SMCHD1: variants seen among roughly 807,000 people sequenced by gnomAD.
SMCHD1 encodes structural maintenance of chromosomes flexible hinge domain containing 1.
A neutral mutation model predicts 254.7 loss-of-function variants in SMCHD1; 78 were observed. That is an observed-to-expected ratio of 0.31 (90% CI 0.26 to 0.37). The LOEUF (loss-of-function observed/expected upper bound fraction) is 0.37, where lower values mean the gene tolerates loss of function less well. Among genes scored for constraint, SMCHD1 ranks in the 10% least tolerant of loss-of-function variants. SMCHD1 has a pLI of 1.00. For synonymous variants in SMCHD1, 766 were observed against 794.9 expected, an observed-to-expected ratio of 0.96 and a Z score of 0.61; for missense variants, 1,840 against 2,408.1, an observed-to-expected ratio of 0.76 and a Z score of 4.94.
intron 12 of SMCHD1, among the ~76,000 whole-genome samples, chr18:2,703,173 A>C (rs2074441156): frequency 6.6e-6 from 1 of 152,212 alleles, no homozygotes; most frequent in African/African-American, 2.4e-5. Flanking sequence ...TATCACCCTC[A>C]TAAGGAGTCT....
intron 27 of SMCHD1, among the ~76,000 whole-genome samples, chr18:2,739,806 C>G (rs577755920): frequency 1.3e-5 from 2 of 152,184 alleles, no homozygotes; most frequent in East Asian, 3.9e-4. Context: ...ATAAAGTAAG[C>G]TTGGCATGGT....
chr18:2,725,565 T>C (rs550137906), intron 21 of SMCHD1, among the ~76,000 whole-genome samples: 1 of 152,064 alleles, frequency 6.6e-6, no homozygotes, highest in East Asian at 1.9e-4. Flanking sequence ...AAGCAGCTAA[T>C]AGACTTAACT....
At chr18:2,695,600 G>A (rs978058129) in intron 8 of SMCHD1, among the ~76,000 whole-genome samples, 15 of 152,168 alleles carry the variant, frequency 9.9e-5, no homozygotes, top group South Asian at 8.3e-4. Flanking sequence ...GTGAGCCATC[G>A]CGCCCGGCCT....
At chr18:2,685,717 T>C (rs2074036301) in intron 5 of SMCHD1, among the ~76,000 whole-genome samples, 1 of 152,184 alleles carries the variant, frequency 6.6e-6, no homozygotes, top group African/African-American at 2.4e-5. Context: ...TATTTGTCAT[T>C]ATACAGTATT....
chr18:2,678,537 G>A (rs1483633850), intron 5 of SMCHD1, among the ~76,000 whole-genome samples: 1 of 151,920 alleles, frequency 6.6e-6, no homozygotes, highest in African/African-American at 2.4e-5. Flanking sequence ...GGTTGGTCTC[G>A]AACTCCTGAC....
intron 28 of SMCHD1, among the ~76,000 whole-genome samples, chr18:2,741,094 C>G (rs965527703): frequency 1.3e-5 from 2 of 152,112 alleles, no homozygotes; most frequent in African/African-American, 4.8e-5. Flanking sequence ...CCATTTTATC[C>G]ATAAAGATTG....
rs2076386568 is a variant in SMCHD1, at chr18:2,802,700, A to T, written c.*148A>T. The T allele has an allele frequency of 1.6e-6, 1 of 607,010 alleles. No individual in the cohort carries two copies. The highest frequency in any genetic ancestry group is 2.7e-6 in the Non-Finnish European group (1 of 365,162). 37.6% of individuals were successfully genotyped at this position (607,010 alleles called of 1,614,324 possible). A position where few individuals can be genotyped will look rare whatever the true frequency, so the allele number is the denominator to read the frequency against. On this transcript the variant is annotated 3_prime_UTR_variant, in exon 48 of 48. Transcript: ENST00000320876. ...TGGGCATGAATTTCCATTTCGATTC[A>T]GATGGGACTGGAAACAACCATTCAA...
chr18:2,667,752 G>C (rs1045409085), intron 3 of SMCHD1, among the ~76,000 whole-genome samples: 2 of 151,840 alleles, frequency 1.3e-5, no homozygotes, highest in African/African-American at 4.8e-5. Flanking sequence ...GATTTTTAAT[G>C]GTTTTATATG....
In SMCHD1 at chr18:2,738,639, C is replaced by T. The variant is rs116544024; in HGVS notation, c.3425+94C>T. On this transcript the variant is annotated intron_variant, in intron 26 of 47. Coordinates refer to ENST00000320876, the MANE Select transcript of SMCHD1 (RefSeq NM_015295.3). ...AGTTGTTTTTAATGTAAAAATATTACGGTTTCTATGAAATATAATAGATTG... is the reference window on the plus strand; with the variant it reads ...AGTTGTTTTTAATGTAAAAATATTATGGTTTCTATGAAATATAATAGATTG... The T allele has an allele frequency of 2.4e-3, 2,598 of 1,066,022 alleles. 28 individuals carry two copies. The highest frequency in any genetic ancestry group is 0.022 in the African/African-American group (1,357 of 60,822). 66.0% of individuals were successfully genotyped at this position (1,066,022 alleles called of 1,614,324 possible). A position where few individuals can be genotyped will look rare whatever the true frequency, so the allele number is the denominator to read the frequency against.
chr18:2,670,654 A>G (rs755006172), intron 3 of SMCHD1, among the ~76,000 whole-genome samples: 12 of 152,126 alleles, frequency 7.9e-5, no homozygotes, highest in Non-Finnish European at 1.6e-4. Context: ...TAATCCCAGC[A>G]CTTTGGGAAG....
At chr18:2,712,450 C>CAG (rs898629609) in intron 17 of SMCHD1, among the ~76,000 whole-genome samples, 18 of 152,284 alleles carry the variant, frequency 1.2e-4, no homozygotes, top group African/African-American at 3.9e-4. Flanking sequence ...TTGAACTGTG[C>CAG]AGGTCCACTT....
chr18:2,691,783 CAGTT>C (rs1468091821), intron 7 of SMCHD1: 1 of 152,232 alleles, frequency 6.6e-6, no homozygotes, highest in Non-Finnish European at 1.5e-5. Context: ...TATAATCATT[CAGTT>C]AGAGGACCAC....
At chr18:2,781,016 A>G (rs1461763340) in intron 44 of SMCHD1, among the ~76,000 whole-genome samples, 1 of 152,236 alleles carries the variant, frequency 6.6e-6, no homozygotes, top group African/African-American at 2.4e-5. Flanking sequence ...CACTAATGCC[A>G]GATTTTTGCA....
chr18:2,750,533 A>G, intron 32 of SMCHD1, 26 bp downstream of exon 32: 2 of 1,541,830 alleles, frequency 1.3e-6, no homozygotes, highest in Non-Finnish European at 8.8e-7. Flanking sequence ...ACATAAATAA[A>G]TCTATAATGA....
chr18:2,799,956 A>G (rs552293396), intron 47 of SMCHD1, among the ~76,000 whole-genome samples: 55 of 152,222 alleles, frequency 3.6e-4, no homozygotes, highest in African/African-American at 1.3e-3. Flanking sequence ...ATGTGTAGAA[A>G]GATAACTTGG....
intron 3 of SMCHD1, among the ~76,000 whole-genome samples, chr18:2,670,385 C>T (rs2073562053): frequency 1.3e-5 from 2 of 152,160 alleles, no homozygotes; most frequent in African/African-American, 4.8e-5. Flanking sequence ...TTAATTGCAA[C>T]TGTATTCCTT....
At chr18:2,711,942 C>T (rs187728456) in intron 17 of SMCHD1, among the ~76,000 whole-genome samples, 15 of 152,280 alleles carry the variant, frequency 9.9e-5, no homozygotes, top group Non-Finnish European at 1.5e-4. Flanking sequence ...TCCCTCACCC[C>T]TCTTTTGCCA....
At chr18:2,785,069 A>C (rs965221180) in intron 45 of SMCHD1, 5 of 294,956 alleles carry the variant, frequency 1.7e-5, no homozygotes, top group African/African-American at 1.1e-4. Context: ...GCTTATTAGA[A>C]AGTGTATGAC....
intron 12 of SMCHD1, 46 bp downstream of exon 12, chr18:2,700,964 T>C (rs779890743): frequency 7.2e-7 from 1 of 1,381,478 alleles, no homozygotes; most frequent in East Asian, 2.3e-5. Flanking sequence ...AAATGTTTTA[T>C]TTTTAAGTAA....
Sources: gnomAD v4.1 joint callset for allele counts (sites outside exome capture counted in the v4.1 genomes callset) on GRCh38, gnomAD v4.1.1 for gene constraint, MANE v1.5 for transcripts, NCBI Gene and HGNC (gene_info 2026-07-23, HGNC 2026-07-21) for gene names.